SGSM2: variants seen among roughly 807,000 people sequenced by gnomAD.
SGSM2 encodes small G protein signaling modulator 2.
Under a neutral mutation model 126.6 loss-of-function variants are expected in SGSM2, and 89 were observed. The ratio of observed to expected loss-of-function variants is 0.70; its 90% CI spans 0.59 to 0.84. The LOEUF (loss-of-function observed/expected upper bound fraction) is 0.84. Among genes scored for constraint, SGSM2 ranks in the 40% least tolerant of loss-of-function variants. The probability of loss-of-function intolerance (pLI) is 0.00; values close to 1 mark genes in which losing one functional copy is unlikely to be tolerated. For synonymous variants in SGSM2, 614 were observed against 574.3 expected, an observed-to-expected ratio of 1.07 and a Z score of -0.99; for missense variants, 1,404 against 1,416.6, an observed-to-expected ratio of 0.99 and a Z score of 0.14.
intron 17 of SGSM2, chr17:2,375,231 A>G (rs1443154258): frequency 2.6e-6 from 1 of 386,324 alleles, no homozygotes; most frequent in Non-Finnish European, 4.6e-6. Context: ...ACTTCCCTTC[A>G]GTAGCCACAG....
At chr17:2,351,358 G>C (rs1038972001) in intron 2 of SGSM2, among the ~76,000 whole-genome samples, 1 of 152,202 alleles carries the variant, frequency 6.6e-6, no homozygotes, top group African/African-American at 2.4e-5. Flanking sequence ...CCCAGGAGTA[G>C]AGACTAGAGG....
intron 2 of SGSM2, among the ~76,000 whole-genome samples, chr17:2,352,453 G>T (rs1271871619): frequency 6.6e-6 from 1 of 152,190 alleles, no homozygotes; most frequent in Non-Finnish European, 1.5e-5. Context: ...CCGGGCCGGA[G>T]GTGGGGAGCA....
chr17:2,379,438 C>T lies in SGSM2; in HGVS notation c.3074C>T (p.Ala1025Val), dbSNP rs2066323170. 2.5e-6 allele frequency: 4 copies of T among 1,612,784 alleles called. No individual in the cohort carries two copies. Among genetic ancestry groups the T allele is most frequent in the Non-Finnish European group, 3.4e-6 (4 of 1,179,178 alleles). Residue 1025 changes from alanine to valine, a missense_variant, in exon 24 of 24, where the codon GCT becomes GTT. Transcript: ENST00000268989. ...TDIIKFFNER[A>V]EHHDAQEILR... Reference sequence around the variant, plus strand: ...TCTTCACGTTTCCCCCCAGAACGTGCTGAGCATCACGATGCCCAGGAGATC... The same window carrying T: ...TCTTCACGTTTCCCCCCAGAACGTGTTGAGCATCACGATGCCCAGGAGATC...
chr17:2,349,697 T>C (rs1183856628), intron 2 of SGSM2, among the ~76,000 whole-genome samples: 1 of 152,056 alleles, frequency 6.6e-6, no homozygotes. Context: ...CGTGACTTGA[T>C]CATTGTTGAA....
Position 2,337,701 on chromosome 17 carries a change from G to C in SGSM2, c.13G>C (p.Glu5Gln). The C allele has an allele frequency of 6.5e-7, 1 of 1,534,134 alleles. No individual in the cohort carries two copies. The highest frequency in any genetic ancestry group is 8.8e-7 in the Non-Finnish European group (1 of 1,137,430). MGSAEDAVKEKLLWN... is the reference protein window; with the variant it reads MGSAQDAVKEKLLWN... The stretch of plus-strand genomic sequence containing the variant: ...CTCCTGCCACACCATGGGCAGCGCA[G>C]AGGACGCAGTCAAAGAGAAACTGCT... The change falls in exon 1 of 24, where the codon GAG becomes CAG. Residue 5 changes from glutamate (E) to glutamine (Q), a missense_variant. Glu to Gln is a conservative substitution (Grantham distance 29, BLOSUM62 2). Coordinates refer to ENST00000268989, the MANE Select transcript of SGSM2 (RefSeq NM_014853.3). The surrounding 1 kb of genome is among the most constrained non-coding windows in gnomAD (Gnocchi z 5.1).
chr17:2,360,219 G>C (rs2151552329), intron 2 of SGSM2, among the ~76,000 whole-genome samples: 1 of 152,290 alleles, frequency 6.6e-6, no homozygotes, highest in Admixed American at 6.5e-5. Flanking sequence ...GTGTGTGCCT[G>C]TAGTCTCAGC....
rs534748546 is a variant in SGSM2 at position 2,380,284 on chromosome 17, G to A, written c.*764G>A. On this transcript the variant is annotated 3_prime_UTR_variant, in exon 24 of 24. Coordinates refer to ENST00000268989, the MANE Select transcript of SGSM2 (RefSeq NM_014853.3). Reference sequence around the variant, plus strand: ...CATTAGGTACTTCCCTGAAAACCACGTGTAAGAAGTGATGCTTTTGCCAGT... The same window carrying A: ...CATTAGGTACTTCCCTGAAAACCACATGTAAGAAGTGATGCTTTTGCCAGT... 41 of 1,536,008 alleles carry A rather than the reference G, an allele frequency of 2.7e-5. No homozygotes were observed. The highest frequency in any genetic ancestry group is 2.0e-4 in the African/African-American group (15 of 73,184).
chr17:2,362,832 T>C lies in SGSM2; in HGVS notation c.459-6T>C. 1 of 1,613,986 alleles carries C rather than the reference T, an allele frequency of 6.2e-7. No homozygotes were observed. The highest frequency in any genetic ancestry group is 8.5e-7 in the Non-Finnish European group (1 of 1,180,022). Reference sequence around the variant, plus strand: ...CTCGGCAGTCACACTGTCTGTCTCCTGGCAGCAAGTACTACGAGAAGGAGG... The same window carrying C: ...CTCGGCAGTCACACTGTCTGTCTCCCGGCAGCAAGTACTACGAGAAGGAGG... On this transcript the variant is annotated splice_polypyrimidine_tract_variant and splice_region_variant and intron_variant, in intron 4 of 23. Coordinates refer to ENST00000268989, the MANE Select transcript of SGSM2 (RefSeq NM_014853.3). This position sits in a 1 kb window ranked among gnomAD's most constrained non-coding sequence, Gnocchi z 4.9.
Position 2,376,159 on chromosome 17 carries a change from C to G in SGSM2, c.2507C>G (p.Ala836Gly), listed in dbSNP as rs368998219. The change falls in exon 19 of 24, where the codon GCC becomes GGC. Residue 836 changes from alanine (A) to glycine (G), a missense_variant. Coordinates refer to ENST00000268989, the MANE Select transcript of SGSM2 (RefSeq NM_014853.3). ...AYTIELLDTV[A>G]LNLHRIDKDV... ...CAGATAGAATTACTGGACACTGTGG[C>G]CTTAAACCTGCACCGCATAGACAAG... The G allele has an allele frequency of 3.1e-6, 5 of 1,614,120 alleles. No homozygotes were observed. Among genetic ancestry groups the G allele is most frequent in the Non-Finnish European group, 4.2e-6 (5 of 1,180,006 alleles).
intron 2 of SGSM2, among the ~76,000 whole-genome samples, chr17:2,350,258 G>C (rs1250837120): frequency 2.0e-5 from 3 of 151,804 alleles, no homozygotes; most frequent in Non-Finnish European, 4.4e-5. Flanking sequence ...TATCTAATAG[G>C]GAAAAATTGC....
intron 2 of SGSM2, among the ~76,000 whole-genome samples, chr17:2,349,815 TCTCC>T (rs933486099): frequency 4.7e-5 from 7 of 147,674 alleles, no homozygotes; most frequent in Admixed American, 2.8e-4. Flanking sequence ...TGAGATGGAG[TCTCC>T]CTCTGTCGCC....
intron 2 of SGSM2, among the ~76,000 whole-genome samples, chr17:2,352,449 C>T (rs147833728): frequency 4.3e-4 from 66 of 152,292 alleles, no homozygotes; most frequent in African/African-American, 1.5e-3. Context: ...GAAACCGGGC[C>T]GGAGGTGGGG....
chr17:2,364,130 G>T lies in SGSM2; in HGVS notation c.879G>T (p.Trp293Cys). The change falls in exon 8 of 24, where the codon TGG becomes TGT. Residue 293 changes from tryptophan (W) to cysteine (C), a missense_variant. Physicochemically the swap from Trp to Cys is radical, Grantham distance 215. Coordinates refer to ENST00000268989, the MANE Select transcript of SGSM2 (RefSeq NM_014853.3). Reference protein sequence around the residue: ...HQSAESLTLKWTPNQLMNGTL... With the variant: ...HQSAESLTLKCTPNQLMNGTL... ...CTGCAGAGAGCCTGACTCTGAAGTG[G>T]ACCCCCAACCAGCTCATGAATGGGA... is the stretch of plus-strand genomic sequence containing the variant. 6.2e-7 allele frequency: 1 copy of T among 1,614,032 alleles called. No individual in the cohort carries two copies. Among genetic ancestry groups the T allele is most frequent in the Non-Finnish European group, 8.5e-7 (1 of 1,180,016 alleles).
chr17:2,376,737 G>A lies in SGSM2; in HGVS notation c.2614G>A (p.Val872Met), dbSNP rs573820277. ...ERLRDVMCSY[V>M]WEHLDVGYVQ... Reference sequence around the variant, plus strand: ...GACTCTCCCCCTGCCTTTCAGCTACGTGTGGGAGCACCTGGACGTGGGCTA... The same window carrying A: ...GACTCTCCCCCTGCCTTTCAGCTACATGTGGGAGCACCTGGACGTGGGCTA... Residue 872 changes from valine to methionine, a missense_variant, in exon 20 of 24, where the codon GTG becomes ATG. Val to Met is a conservative substitution (Grantham distance 21). Transcript: ENST00000268989. 3.7e-6 allele frequency: 6 copies of A among 1,614,004 alleles called. No individual in the cohort carries two copies. The highest frequency in any genetic ancestry group is 3.3e-5 in the Admixed American group (2 of 60,022).
intron 1 of SGSM2, among the ~76,000 whole-genome samples, chr17:2,338,851 G>T (rs1274901564): frequency 6.7e-6 from 1 of 149,606 alleles, no homozygotes; most frequent in Non-Finnish European, 1.5e-5. Flanking sequence ...CTGAGCTCAG[G>T]AGTTCGAGAT....
At chr17:2,376,061 C>T (rs2066130759) in intron 18 of SGSM2, 76 bp from the exon 19 acceptor site, 3 of 1,600,576 alleles carry the variant, frequency 1.9e-6, no homozygotes, top group South Asian at 1.1e-5. Context: ...TGCTGCATTT[C>T]TTGGGGCGTC....
At chr17:2,377,778 C>A in intron 21 of SGSM2, 79 bp from the exon 22 acceptor site, 1 of 910,900 alleles carries the variant, frequency 1.1e-6, no homozygotes, top group Non-Finnish European at 1.8e-6. Flanking sequence ...CATCCCTGGG[C>A]GTGAGCGGAC....
chr17:2,340,635 A>G (rs867941674), intron 1 of SGSM2, among the ~76,000 whole-genome samples: 7 of 149,344 alleles, frequency 4.7e-5, no homozygotes, highest in South Asian at 4.2e-4. Flanking sequence ...CCCAGGCTGG[A>G]GTGCCGTGGC....
At position 2,372,755 on chromosome 17, in the gene SGSM2, G is replaced by A; in HGVS notation, c.1789-198G>A. The A allele has an allele frequency of 3.5e-6, 3 of 846,628 alleles. No homozygotes were observed. The highest frequency in any genetic ancestry group is 5.4e-6 in the Non-Finnish European group (3 of 556,768). 52.4% of individuals were successfully genotyped at this position (846,628 alleles called of 1,614,324 possible). On this transcript the variant is annotated intron_variant, in intron 15 of 23. Transcript: ENST00000268989. The surrounding 1 kb of genome is among the most constrained non-coding windows in gnomAD (Gnocchi z 6.0). Reference sequence around the variant, plus strand: ...CCGGGCGCCATTTCCTGCCCCTTAAGGAAGGAGAGCAGAACGAGATCTCAT... The same window carrying A: ...CCGGGCGCCATTTCCTGCCCCTTAAAGAAGGAGAGCAGAACGAGATCTCAT...
Sources: gnomAD v4.1 joint callset for allele counts (sites outside exome capture counted in the v4.1 genomes callset) on GRCh38, gnomAD v4.1.1 for gene constraint, Gnocchi (gnomAD v3.1) non-coding constraint, MANE v1.5 for transcripts, NCBI Gene and HGNC (gene_info 2026-07-23, HGNC 2026-07-21) for gene names.